NEBL: variants seen among roughly 807,000 people sequenced by gnomAD.
NEBL encodes the protein LIM and SH3 protein 2.
NEBL carries 122 observed loss-of-function variants against 140.2 expected under a neutral mutation model. The observed-to-expected ratio is 0.87, with a 90% CI of 0.75 to 1.01. NEBL has a LOEUF of 1.01. Among genes scored for constraint, NEBL ranks in the 50% least tolerant of loss-of-function variants. The pLI, the probability that NEBL is intolerant of heterozygous loss-of-function variation, is 0.00. For synonymous variants in NEBL, 436 were observed against 398.9 expected (o/e 1.09, Z -1.11); for missense variants, 1,365 against 1,231.3 (o/e 1.11, Z -1.62).
chr10:21,287,049 C>G (rs1238531087), intron 1 of NEBL, among the ~76,000 whole-genome samples: 2 of 152,112 alleles, frequency 1.3e-5, no homozygotes, highest in South Asian at 2.1e-4. Flanking sequence ...GCAGAATTCC[C>G]TAATAAGAAC....
chr10:21,126,744 C>T (rs898955437), intron 2 of NEBL, among the ~76,000 whole-genome samples: 5 of 151,822 alleles, frequency 3.3e-5, no homozygotes, highest in African/African-American at 4.8e-5. Context: ...GAGGCCGAGG[C>T]GGGTGGATCA....
At chr10:20,791,502 C>T (rs1348008903) in intron 26 of NEBL, among the ~76,000 whole-genome samples, 3 of 152,122 alleles carry the variant, frequency 2.0e-5, no homozygotes, top group African/African-American at 7.2e-5. Flanking sequence ...CTCCTGGACT[C>T]AAGCGATCCT....
intron 1 of NEBL, among the ~76,000 whole-genome samples, chr10:21,264,323 G>T (rs1430625071): frequency 6.6e-6 from 1 of 152,174 alleles, no homozygotes; most frequent in African/African-American, 2.4e-5. Context: ...CAGCACCATT[G>T]TCCATGGCCT....
At chr10:21,245,324 T>C (rs557728966) in intron 3 of NEBL, among the ~76,000 whole-genome samples, 2 of 152,322 alleles carry the variant, frequency 1.3e-5, no homozygotes, top group South Asian at 4.1e-4. Context: ...AGAGAATTTC[T>C]CAGTTCAGAC....
chr10:21,028,251 A>AGAAGAAGAAG (rs1554819362), intron 2 of NEBL, among the ~76,000 whole-genome samples: 3 of 36,872 alleles, frequency 8.1e-5, no homozygotes, highest in Admixed American at 4.0e-4. Flanking sequence ...AAAAAAAAAA[A>AGAAGAAGAAG]AAAAAGAAGA....
chr10:21,231,876 A>T lies in NEBL; in HGVS notation n.348+16045T>A, dbSNP rs540730226. On this transcript the variant is annotated intron_variant and non_coding_transcript_variant, in intron 3 of 8. Coordinates refer to the NEBL transcript ENST00000675702. The stretch of plus-strand genomic sequence containing the variant: ...TGGCCAAGGACACTTCAGAAAAAAA[A>T]CTTGAAAACTTAATTCCCAGGCATG... Among the ~76,000 whole-genome samples, 3 of 152,088 alleles carry T rather than the reference A, an allele frequency of 2.0e-5. No homozygotes were observed. In the East Asian group the frequency reaches 5.8e-4, roughly 30 times the overall value.
intron 2 of NEBL, chr10:21,113,363 C>A: frequency 2.6e-6 from 1 of 388,252 alleles, no homozygotes; most frequent in South Asian, 2.1e-5. Flanking sequence ...GACATTAAAG[C>A]AAAAATGCAA....
intron 26 of NEBL, among the ~76,000 whole-genome samples, chr10:20,807,221 G>A (rs112298896): frequency 0.031 from 4,758 of 152,252 alleles, 254 homozygotes; most frequent in African/African-American, 0.11. Context: ...ACCTACTCAG[G>A]CGGCTGAGGC....
intron 3 of NEBL, among the ~76,000 whole-genome samples, chr10:21,235,251 G>C (rs1410792153): frequency 1.3e-5 from 2 of 152,090 alleles, no homozygotes; most frequent in Non-Finnish European, 2.9e-5. Flanking sequence ...AGCTACGACT[G>C]TGCCACTGCA....
rs577922124 is a variant in NEBL at position 20,897,235 on chromosome 10, A to G, written c.-30T>C. The G allele has an allele frequency of 6.5e-7, 1 of 1,538,874 alleles. No individual in the cohort carries two copies. Among genetic ancestry groups the G allele is most frequent in the East Asian group, 2.5e-5 (1 of 40,738 alleles). On this transcript the variant is annotated 5_prime_UTR_variant, in exon 1 of 28. Transcript: ENST00000377122. ...ACCCTTTAAAATATTTATATTTTTA[A>G]AATTTACTCATGTGGCGTCCTTTTC...
intron 16 of NEBL, 101 bp from the exon 17 acceptor site, chr10:20,828,735 T>TA (rs1172353706): frequency 2.6e-6 from 2 of 756,078 alleles, no homozygotes; most frequent in African/African-American, 1.8e-5. Flanking sequence ...AGAGAGAGAG[T>TA]AAAAAACTGT....
At chr10:20,954,330 C>A (rs1835674118) in intron 4 of NEBL, among the ~76,000 whole-genome samples, 1 of 152,156 alleles carries the variant, frequency 6.6e-6, no homozygotes, top group African/African-American at 2.4e-5. Context: ...ATGGTCGATA[C>A]ATTTGTTTAT....
At position 20,850,492 on chromosome 10, in the gene NEBL, T is replaced by C; in HGVS notation, c.1019A>G (p.Lys340Arg). 6.3e-7 allele frequency: 1 copy of C among 1,594,112 alleles called. No individual in the cohort carries two copies. Among genetic ancestry groups the C allele is most frequent in the Non-Finnish European group, 8.6e-7 (1 of 1,162,122 alleles). Reference protein sequence around the residue: ...NAVLQSQVKYKEEYEKNKGKP... With the variant: ...NAVLQSQVKYREEYEKNKGKP... The stretch of plus-strand genomic sequence containing the variant: ...TCCCTTATTTTTCTCATATTCTTCT[T>C]TATATTTCACCTTCATTGGAAAAAG... Residue 340 changes from lysine (K) to arginine (R), a missense_variant, in exon 11 of 28, where the codon AAA becomes AGA. Coordinates refer to ENST00000377122, the MANE Select transcript of NEBL (RefSeq NM_006393.3).
intron 3 of NEBL, among the ~76,000 whole-genome samples, chr10:21,000,699 G>A (rs1024951951): frequency 3.3e-5 from 5 of 152,160 alleles, no homozygotes; most frequent in African/African-American, 9.7e-5. Flanking sequence ...CTCCCAAAAC[G>A]AGAAAGCAAC....
At chr10:21,257,726 A>T (rs1362372463) in intron 1 of NEBL, among the ~76,000 whole-genome samples, 1 of 152,122 alleles carries the variant, frequency 6.6e-6, no homozygotes, top group Admixed American at 6.5e-5. Context: ...TCTACTAAAA[A>T]TACAAAAAAC....
intron 3 of NEBL, among the ~76,000 whole-genome samples, chr10:21,017,581 C>T (rs866672051): frequency 4.6e-5 from 7 of 152,130 alleles, no homozygotes; most frequent in Admixed American, 4.6e-4. Context: ...ATTCATAAAA[C>T]AGTGACCTTG....
intron 2 of NEBL, among the ~76,000 whole-genome samples, chr10:21,037,184 C>G (rs931049456): frequency 5.4e-5 from 8 of 147,386 alleles, no homozygotes; most frequent in African/African-American, 2.0e-4. Flanking sequence ...TAAAAATGAA[C>G]AAGCAGCCAG....
At chr10:21,130,402 A>AT (rs1383726963) in intron 2 of NEBL, among the ~76,000 whole-genome samples, 1 of 152,178 alleles carries the variant, frequency 6.6e-6, no homozygotes, top group Non-Finnish European at 1.5e-5. Flanking sequence ...AATCAACAGC[A>AT]TATCATTGAC....
At chr10:21,059,119 T>A (rs1445472086) in intron 2 of NEBL, among the ~76,000 whole-genome samples, 1 of 152,244 alleles carries the variant, frequency 6.6e-6, no homozygotes, top group Admixed American at 6.5e-5. Flanking sequence ...TCAAGCTTAC[T>A]ATTAACCACC....
Sources: allele counts gnomAD v4.1 joint callset (sites outside exome capture counted in the v4.1 genomes callset), GRCh38; gene constraint gnomAD v4.1.1; transcripts MANE v1.5; gene names NCBI Gene and HGNC (gene_info 2026-07-23, HGNC 2026-07-21).